The following EXD1 variants were observed in gnomAD, a reference collection of about 807,000 sequenced individuals.
EXD1 encodes the protein piRNA biogenesis protein EXD1.
A neutral mutation model predicts 49.1 loss-of-function variants in EXD1; 63 were observed. The ratio of observed to expected loss-of-function variants is 1.28; its 90% CI spans 1.05 to 1.58. The LOEUF (loss-of-function observed/expected upper bound fraction) is 1.58. Ranked by LOEUF, EXD1 falls within the 40% of genes most tolerant of loss-of-function variation. The pLI is 0.00. For synonymous variants in EXD1, 234 were observed against 239.2 expected (o/e 0.98, Z 0.20); for missense variants, 748 against 666.0 (o/e 1.12, Z -1.36).
chr15:41,188,205 G>A (rs2046446255), intron 11 of EXD1, among the ~76,000 whole-genome samples: 1 of 151,452 alleles, frequency 6.6e-6, no homozygotes, highest in African/African-American at 2.4e-5. Flanking sequence ...CTTTAAAAAT[G>A]TAAAAATTGT....
intron 6 of EXD1, among the ~76,000 whole-genome samples, chr15:41,209,914 A>G (rs537281303): frequency 6.6e-6 from 1 of 152,170 alleles, no homozygotes; most frequent in African/African-American, 2.4e-5. Flanking sequence ...ATCTGTTTTT[A>G]TATTTTAAAT....
In EXD1 at chr15:41,209,534, AT is replaced by A. The variant is rs1566987433; in HGVS notation, c.500del (p.Asn167MetfsTer38). ...NVLSVAAEGA[N>X]VCRHGKLCWL... is the part of the protein sequence containing the mutation. ...AGCACAGTTTGCCATGGCGACATAC[AT>A]TCGCTCCTTCTGCTGCCACACTCAG... On this transcript the variant is annotated frameshift_variant, in exon 7 of 12. Transcript: ENST00000458580. LOFTEE classifies it high-confidence loss of function. The A allele has an allele frequency of 1.9e-6, 3 of 1,614,068 alleles. No homozygotes were observed.
intron 6 of EXD1, among the ~76,000 whole-genome samples, chr15:41,213,501 T>TTTTTGTTTTGTTTTGTTATG (rs1555416493): frequency 6.7e-6 from 1 of 150,338 alleles, no homozygotes; most frequent in African/African-American, 2.5e-5. Context: ...GTCCAGCCAG[T>TTTTTGTTTTGTTTTGTTATG]TTTTGTTTTG....
At position 41,183,837 on chromosome 15, in the gene EXD1, A is replaced by T; in HGVS notation, c.*94T>A. The T allele has an allele frequency of 8.0e-7, 1 of 1,252,052 alleles. No homozygotes were observed. Among genetic ancestry groups the T allele is most frequent in the Non-Finnish European group, 1.1e-6 (1 of 903,518 alleles). The allele number at this position is 1,252,052 out of a possible 1,614,324, so 77.6% of individuals were successfully genotyped here. On this transcript the variant is annotated 3_prime_UTR_variant, in exon 12 of 12. Coordinates refer to ENST00000458580, the MANE Select transcript of EXD1 (RefSeq NM_001286441.2). The stretch of plus-strand genomic sequence containing the variant: ...TTTCCCCTGTGACTGAAGCATTACT[A>T]CATTTACAACATGAGAAACCTGGGC...
In EXD1 at chr15:41,208,521, G is replaced by A. The variant is rs1475236474; in HGVS notation, c.534+980C>T. On this transcript the variant is annotated intron_variant, in intron 7 of 11. Coordinates refer to ENST00000458580, the MANE Select transcript of EXD1 (RefSeq NM_001286441.2). ...TAATCCTAGTACTTTGGGAGGCCGAGGTGGGTGGATCACTTGAGATCAGGA... is the reference window on the plus strand; with the variant it reads ...TAATCCTAGTACTTTGGGAGGCCGAAGTGGGTGGATCACTTGAGATCAGGA... Among the ~76,000 whole-genome samples, 4 of 152,140 alleles carry A rather than the reference G, an allele frequency of 2.6e-5. No individual in the cohort carries two copies. In the East Asian group the frequency reaches 7.7e-4, roughly 29 times the overall value.
chr15:41,225,505 A>C (rs2047147823), intron 2 of EXD1, among the ~76,000 whole-genome samples: 1 of 151,572 alleles, frequency 6.6e-6, no homozygotes, highest in African/African-American at 2.4e-5. Context: ...GACTTGCTTG[A>C]ACCTGGGAGG....
chr15:41,185,244 C>T (rs1466911861), intron 11 of EXD1, among the ~76,000 whole-genome samples: 1 of 143,032 alleles, frequency 7.0e-6, no homozygotes, highest in African/African-American at 2.6e-5. Context: ...ATAGTCTACT[C>T]ATGTATGATC....
At chr15:41,186,493 GAA>G (rs949250984) in intron 11 of EXD1, among the ~76,000 whole-genome samples, 1 of 82,128 alleles carries the variant, frequency 1.2e-5, no homozygotes, top group Non-Finnish European at 2.9e-5. Flanking sequence ...AAAAAAATCA[GAA>G]AAAAAAAGAA....
intron 5 of EXD1, among the ~76,000 whole-genome samples, chr15:41,216,360 A>T (rs2046998802): frequency 6.6e-6 from 1 of 151,844 alleles, no homozygotes; most frequent in African/African-American, 2.4e-5. Flanking sequence ...GGCTGGGCAC[A>T]GTGGCTCATG....
Position 41,199,739 on chromosome 15 carries a change from G to GATATATTATATA in EXD1, c.535-3703_535-3702insTATATAATATAT, listed in dbSNP as rs777473507. Among the ~76,000 whole-genome samples, 18 of 79,368 alleles carry GATATATTATATA rather than the reference G, an allele frequency of 2.3e-4. 1 individual carries two copies. The highest frequency in any genetic ancestry group is 4.6e-4 in the African/African-American group (9 of 19,426). The allele number at this position is 79,368 out of a possible 152,430, so 52.1% of individuals were successfully genotyped here. ...ATGATATATTATATATGATATATAT[G>GATATATTATATA]TCATATATTATATATGATACATATA... On this transcript the variant is annotated intron_variant, in intron 7 of 11. Coordinates refer to ENST00000458580, the MANE Select transcript of EXD1 (RefSeq NM_001286441.2).
intron 11 of EXD1, among the ~76,000 whole-genome samples, chr15:41,186,089 A>G (rs2046402136): frequency 6.6e-6 from 1 of 152,102 alleles, no homozygotes; most frequent in Admixed American, 6.6e-5. Flanking sequence ...ACTGTTCCTG[A>G]TATTAGTGTT....
At chr15:41,215,741 G>A (rs1445055275) in intron 6 of EXD1, 34 bp downstream of exon 6, 1 of 1,593,452 alleles carries the variant, frequency 6.3e-7, no homozygotes, top group African/African-American at 1.3e-5. Context: ...CCTACATACA[G>A]GCAATACTAG....
At chr15:41,203,076 T>A (rs891236929) in intron 7 of EXD1, among the ~76,000 whole-genome samples, 9 of 152,144 alleles carry the variant, frequency 5.9e-5, no homozygotes, top group Non-Finnish European at 4.4e-5. Flanking sequence ...AATATTTAAA[T>A]AATTTAAAGT....
chr15:41,193,153 A>C lies in EXD1; in HGVS notation c.721-1568T>G, dbSNP rs185115157. 9.9e-5 allele frequency among the ~76,000 whole-genome samples: 15 copies of C among 151,956 alleles called. No homozygotes were observed. In the East Asian group the frequency reaches 2.7e-3, roughly 28 times the overall value. On this transcript the variant is annotated intron_variant, in intron 9 of 11. Transcript: ENST00000458580. ...GGCTGATCTCGAATTCCTGGGCTCA[A>C]GCAATCCTCCTGTCTCGGCCTCCCA...
At chr15:41,212,868 G>A (rs2046942161) in intron 6 of EXD1, among the ~76,000 whole-genome samples, 1 of 152,010 alleles carries the variant, frequency 6.6e-6, no homozygotes, top group South Asian at 2.1e-4. Flanking sequence ...ACGAGACGTT[G>A]TCTCTACAAA....
chr15:41,229,708 C>T (rs138225189), intron 1 of EXD1, among the ~76,000 whole-genome samples: 6 of 152,228 alleles, frequency 3.9e-5, no homozygotes, highest in South Asian at 2.1e-4. Context: ...GCGGAAGTTT[C>T]GGTGAGCTGA....
intron 1 of EXD1, among the ~76,000 whole-genome samples, chr15:41,227,004 A>G (rs760611166): frequency 2.0e-5 from 3 of 152,222 alleles, no homozygotes; most frequent in Non-Finnish European, 2.9e-5. Flanking sequence ...ATATTTGCCA[A>G]TACATGTTGC....
chr15:41,218,483 T>A (rs2047036529), intron 3 of EXD1, among the ~76,000 whole-genome samples: 1 of 91,040 alleles, frequency 1.1e-5, no homozygotes, highest in Admixed American at 1.1e-4. Flanking sequence ...TAAGAATCCG[T>A]CTCAAAAAAA....
intron 7 of EXD1, among the ~76,000 whole-genome samples, chr15:41,201,003 A>T (rs536214199): frequency 6.6e-6 from 1 of 151,554 alleles, no homozygotes; most frequent in African/African-American, 2.4e-5. Flanking sequence ...CCTCCCAAGT[A>T]GTTGGGGTTA....
Sources: allele counts gnomAD v4.1 joint callset (sites outside exome capture counted in the v4.1 genomes callset), GRCh38; gene constraint gnomAD v4.1.1; transcripts MANE v1.5; gene names NCBI Gene and HGNC (gene_info 2026-07-23, HGNC 2026-07-21).